The following EHBP1 variants were observed in gnomAD, a reference collection of about 807,000 sequenced individuals.
The protein encoded by EHBP1 is EH domain-binding protein 1.
Under a neutral mutation model 144.0 loss-of-function variants are expected in EHBP1, and 55 were observed. That is an observed-to-expected ratio of 0.38 (90% CI 0.31 to 0.48). The LOEUF is 0.48. Ranked by LOEUF, EHBP1 falls within the 20% of genes least tolerant of loss-of-function variation. The probability of loss-of-function intolerance (pLI) is 0.98; values close to 1 mark genes in which losing one functional copy is unlikely to be tolerated. For missense variants in EHBP1, 1,200 were observed against 1,364.2 expected (o/e 0.88, Z 1.90); for synonymous variants, 469 against 472.7 (o/e 0.99, Z 0.10).
intron 5 of EHBP1, among the ~76,000 whole-genome samples, chr2:62,802,395 A>T (rs2044069485): frequency 6.6e-6 from 1 of 152,140 alleles, no homozygotes; most frequent in Non-Finnish European, 1.5e-5. Flanking sequence ...AACAAAGAAG[A>T]ATTTAGTCCA....
intron 5 of EHBP1, among the ~76,000 whole-genome samples, chr2:62,783,755 G>A (rs765200227): frequency 2.0e-5 from 3 of 152,214 alleles, no homozygotes; most frequent in Non-Finnish European, 1.5e-5. Flanking sequence ...GGCCTGTGAT[G>A]GGAGGGGCTG....
intron 14 of EHBP1, among the ~76,000 whole-genome samples, chr2:62,963,878 A>G (rs964139664): frequency 3.3e-5 from 5 of 152,202 alleles, no homozygotes; most frequent in African/African-American, 7.2e-5. Context: ...CTTCAACACA[A>G]TCACCAAAAG....
rs573551168 is a variant in EHBP1 at position 62,906,362 on chromosome 2, A to G, written c.1185+31830A>G. 1.4e-4 allele frequency among the ~76,000 whole-genome samples: 22 copies of G among 152,236 alleles called. No homozygotes were observed. In the South Asian group the frequency reaches 1.9e-3, roughly 13 times the overall value. ...ATCTTCATTCCTGTTGCTATATCAT[A>G]AGTCTTAAGGTTAGAGAGTGTAAGT... On this transcript the variant is annotated intron_variant, in intron 10 of 22. Transcript: ENST00000431489.
upstream of EHBP1, among the ~76,000 whole-genome samples, chr2:62,701,848 T>C (rs778482728): frequency 6.6e-6 from 1 of 152,106 alleles, no homozygotes; most frequent in Non-Finnish European, 1.5e-5. Context: ...TTGTTGTGTA[T>C]AGTATAACCA....
intron 14 of EHBP1, among the ~76,000 whole-genome samples, chr2:62,961,050 A>G (rs2057978320): frequency 6.6e-6 from 1 of 152,186 alleles, no homozygotes; most frequent in Non-Finnish European, 1.5e-5. Flanking sequence ...CAAAATGAGT[A>G]TAGCTTTAGG....
At chr2:62,958,582 G>A (rs2057836992) in intron 14 of EHBP1, among the ~76,000 whole-genome samples, 1 of 152,154 alleles carries the variant, frequency 6.6e-6, no homozygotes, top group African/African-American at 2.4e-5. Context: ...ACTTTCTAGA[G>A]GGATAGAAAA....
In EHBP1 at chr2:62,996,764, C is replaced by T; in HGVS notation, c.3101C>T (p.Thr1034Ile). The T allele has an allele frequency of 1.9e-6, 3 of 1,612,006 alleles. No homozygotes were observed. The highest frequency in any genetic ancestry group is 2.5e-6 in the Non-Finnish European group (3 of 1,179,148). ...VEKRLRYLMD[T>I]GRNTEEEEAM... is the part of the protein sequence containing the mutation. ...AAGCGCCTTCGCTATCTCATGGACACAGGTACGGTGCCCAATTACACTGTA... is the reference window on the plus strand; with the variant it reads ...AAGCGCCTTCGCTATCTCATGGACATAGGTACGGTGCCCAATTACACTGTA... Residue 1034 changes from threonine (T) to isoleucine (I), a missense_variant and splice_region_variant, in exon 19 of 23, where the codon ACA becomes ATA. Thr to Ile is a moderately conservative substitution (Grantham distance 89). Around this residue, in one of 6 missense-constraint regions of EHBP1, gnomAD observed 149 missense variants for 217.0 expected, o/e 0.69. Transcript: ENST00000431489.
At chr2:62,749,499 C>A (rs1360369107) in intron 3 of EHBP1, among the ~76,000 whole-genome samples, 2 of 152,104 alleles carry the variant, frequency 1.3e-5, no homozygotes, top group African/African-American at 2.4e-5. Context: ...GGGTATATAC[C>A]CAGTAATGGG....
At chr2:62,809,519 A>G (rs905500570) in intron 5 of EHBP1, among the ~76,000 whole-genome samples, 3 of 151,806 alleles carry the variant, frequency 2.0e-5, no homozygotes, top group African/African-American at 4.8e-5. Flanking sequence ...TTCAATTTTT[A>G]TTTTAGATTC....
rs572492181 is a variant in EHBP1, at chr2:62,947,846, G to A, written c.1414-414G>A. The stretch of plus-strand genomic sequence containing the variant: ...TTTGTATTTTATATCAGGTAATCTA[G>A]TAGTTCTTTTGACTTATCTAGCTGT... On this transcript the variant is annotated intron_variant, in intron 12 of 22. Coordinates refer to ENST00000431489, the MANE Select transcript of EHBP1 (RefSeq NM_001142616.3). Among the ~76,000 whole-genome samples, 26 of 152,236 alleles carry A rather than the reference G, an allele frequency of 1.7e-4. No homozygotes were observed. The South Asian group carries it at 5.0e-3, about 29-fold the overall frequency.
chr2:62,896,142 G>T (rs2052908033), intron 10 of EHBP1, among the ~76,000 whole-genome samples: 2 of 152,156 alleles, frequency 1.3e-5, no homozygotes, highest in Non-Finnish European at 2.9e-5. Flanking sequence ...CGGAGGAAAA[G>T]AACAGGGTAC....
rs1178605835 is a variant in EHBP1 at position 62,766,984 on chromosome 2, T to A, written c.258+2623T>A. ...AAAAAAAAAAAAAAAAAAAAAAGGT[T>A]GCATTTGGTTGTAAGATCCATTACC... On this transcript the variant is annotated intron_variant, in intron 4 of 22. Transcript: ENST00000431489. 2.1e-5 allele frequency among the ~76,000 whole-genome samples: 3 copies of A among 144,688 alleles called. 1 individual carries two copies. The South Asian group carries it at 6.6e-4, about 32-fold the overall frequency. 94.9% of individuals were successfully genotyped at this position (144,688 alleles called of 152,430 possible). A position where few individuals can be genotyped will look rare whatever the true frequency, so the allele number is the denominator to read the frequency against.
intron 19 of EHBP1, among the ~76,000 whole-genome samples, chr2:63,008,507 T>G (rs542265448): frequency 6.6e-6 from 1 of 151,694 alleles, no homozygotes; most frequent in South Asian, 2.1e-4. Flanking sequence ...ATTTTTCTAT[T>G]ACAAAACGCT....
intron 19 of EHBP1, among the ~76,000 whole-genome samples, chr2:63,009,856 T>C (rs2060197553): frequency 6.6e-6 from 1 of 151,518 alleles, no homozygotes; most frequent in Non-Finnish European, 1.5e-5. Context: ...CATACATACC[T>C]ATGATAAAGT....
chr2:62,727,479 A>G (rs1436806690), intron 2 of EHBP1, among the ~76,000 whole-genome samples: 3 of 146,590 alleles, frequency 2.0e-5, no homozygotes, highest in African/African-American at 5.0e-5. Flanking sequence ...TTCCTCTGGA[A>G]CTCCCCTCCC....
intron 13 of EHBP1, among the ~76,000 whole-genome samples, chr2:62,949,974 A>G (rs2057291718): frequency 6.6e-6 from 1 of 152,182 alleles, no homozygotes; most frequent in Non-Finnish European, 1.5e-5. Context: ...GCTCTTTTAG[A>G]CTTATTTAGG....
At chr2:62,894,994 T>C (rs539304896) in intron 10 of EHBP1, among the ~76,000 whole-genome samples, 8 of 151,478 alleles carry the variant, frequency 5.3e-5, no homozygotes, top group Admixed American at 3.3e-4. Flanking sequence ...AGGGCTGCAG[T>C]ACCTGATACA....
At chr2:62,703,580 T>G (rs1470223810), upstream of EHBP1, among the ~76,000 whole-genome samples, 1 of 152,218 alleles carries the variant, frequency 6.6e-6, no homozygotes, top group Non-Finnish European at 1.5e-5. Context: ...TTCACTCATT[T>G]AGTAAACGAT....
At chr2:62,963,808 C>G (rs1404730270) in intron 14 of EHBP1, among the ~76,000 whole-genome samples, 2 of 152,060 alleles carry the variant, frequency 1.3e-5, no homozygotes, top group Non-Finnish European at 2.9e-5. Context: ...TTTTTATTCT[C>G]CTATGAGCTG....
Sources: allele counts gnomAD v4.1 joint callset (sites outside exome capture counted in the v4.1 genomes callset), GRCh38; gene constraint gnomAD v4.1.1; regional missense constraint gnomAD v4.1.1; transcripts MANE v1.5; gene names NCBI Gene and HGNC (gene_info 2026-07-23, HGNC 2026-07-21).